The following ZC3H18 variants were observed in gnomAD, a reference collection of about 807,000 sequenced individuals.
The protein encoded by ZC3H18 is zinc finger CCCH domain-containing protein 18.
A neutral mutation model predicts 106.1 loss-of-function variants in ZC3H18; 8 were observed. The observed-to-expected ratio is 0.08, with a 90% confidence interval of 0.04 to 0.14. The LOEUF (loss-of-function observed/expected upper bound fraction) is 0.14, where lower values mean the gene tolerates loss of function less well. ZC3H18 is among the 10% of genes least tolerant of loss of function. ZC3H18 has a pLI of 1.00. For synonymous variants in ZC3H18, 635 were observed against 522.1 expected, an observed-to-expected ratio of 1.22 and a Z score of -2.95; for missense variants, 1,318 against 1,278.4, an observed-to-expected ratio of 1.03 and a Z score of -0.47.
At chr16:88,629,202 C>T (rs889861044) in intron 16 of ZC3H18, among the ~76,000 whole-genome samples, 17 of 151,680 alleles carry the variant, frequency 1.1e-4, no homozygotes, top group Admixed American at 6.6e-4. Context: ...AGGCCGGGCG[C>T]GGTAGCTCAT....
intron 7 of ZC3H18, among the ~76,000 whole-genome samples, chr16:88,609,579 G>A (rs1043624958): frequency 6.6e-6 from 1 of 151,932 alleles, no homozygotes; most frequent in Non-Finnish European, 1.5e-5. Flanking sequence ...TGGGATTAAA[G>A]ACATGAGCCA....
chr16:88,628,078 T>G lies in ZC3H18; in HGVS notation c.2428T>G (p.Phe810Val). The change falls in exon 15 of 18, where the codon TTT becomes GTT. Residue 810 changes from phenylalanine to valine, a missense_variant. Transcript: ENST00000301011. The stretch of plus-strand genomic sequence containing the variant: ...CCCCGGGCAGCCCCAGCAGGGCACA[T>G]TTGTGGCCCACAAGGAGATCAAGTT... ...APPGQPQQGTFVAHKEIKLTL... is the reference protein window; with the variant it reads ...APPGQPQQGTVVAHKEIKLTL... 1 of 1,614,028 alleles carries G rather than the reference T, an allele frequency of 6.2e-7. No individual in the cohort carries two copies. Among genetic ancestry groups the G allele is most frequent in the South Asian group, 1.1e-5 (1 of 91,080 alleles).
intron 1 of ZC3H18, among the ~76,000 whole-genome samples, chr16:88,574,840 T>C (rs1161320099): frequency 6.7e-6 from 1 of 149,474 alleles, no homozygotes. Flanking sequence ...TCTTTTTTTT[T>C]TTTTTTTGAG....
At chr16:88,599,984 C>G (rs1285067184) in intron 6 of ZC3H18, 36 bp downstream of exon 6, 2 of 1,608,990 alleles carry the variant, frequency 1.2e-6, no homozygotes, top group South Asian at 2.2e-5. Context: ...CCGTTTCCTT[C>G]CTGCATGCGG....
At chr16:88,625,776 G>T (rs577802671) in intron 13 of ZC3H18, 26 of 138,644 alleles carry the variant, frequency 1.9e-4, no homozygotes, top group African/African-American at 6.1e-4. Flanking sequence ...AAGGCAGGAG[G>T]ATTGCTTGAG....
chr16:88,600,064 C>G lies in ZC3H18; in HGVS notation c.1088+116C>G, dbSNP rs962707366. On this transcript the variant is annotated intron_variant, in intron 6 of 17. Coordinates refer to ENST00000301011, the MANE Select transcript of ZC3H18 (RefSeq NM_144604.4). ...CTCGGCTGAGACCCAGCCCCACTCACTGGAGTCTCAGTGACGTTCCTGAGA... is the reference window on the plus strand; with the variant it reads ...CTCGGCTGAGACCCAGCCCCACTCAGTGGAGTCTCAGTGACGTTCCTGAGA... 6 of 1,308,410 alleles carry G rather than the reference C, an allele frequency of 4.6e-6. No homozygotes were observed. In the African/African-American group the frequency reaches 5.9e-5, roughly 13 times the overall value. 81.1% of individuals were successfully genotyped at this position (1,308,410 alleles called of 1,614,324 possible).
At chr16:88,577,807 G>C (rs749316691) in intron 2 of ZC3H18, 81 bp downstream of exon 2, 1 of 1,602,480 alleles carries the variant, frequency 6.2e-7, no homozygotes, top group Non-Finnish European at 8.5e-7. Context: ...GAGGGACTCT[G>C]TGTGGGACTG....
At chr16:88,591,870 C>T (rs749101604) in intron 3 of ZC3H18, among the ~76,000 whole-genome samples, 3 of 152,196 alleles carry the variant, frequency 2.0e-5, no homozygotes, top group Non-Finnish European at 2.9e-5. Flanking sequence ...GAACCGCTGG[C>T]AGTGGAGTTG....
At chr16:88,571,999 A>C (rs2142506305) in intron 1 of ZC3H18, among the ~76,000 whole-genome samples, 1 of 152,320 alleles carries the variant, frequency 6.6e-6, no homozygotes, top group East Asian at 1.9e-4. Context: ...GTGGTAGTAA[A>C]AATGTAGTCA....
intron 6 of ZC3H18, among the ~76,000 whole-genome samples, chr16:88,600,521 C>G (rs1597339204): frequency 6.6e-6 from 1 of 152,210 alleles, no homozygotes; most frequent in Admixed American, 6.5e-5. Flanking sequence ...TGAAGTGATT[C>G]TCCTGCTTCA....
chr16:88,630,022 C>T (rs1442249695), intron 16 of ZC3H18: 1 of 156,328 alleles, frequency 6.4e-6, no homozygotes, highest in Non-Finnish European at 1.4e-5. Flanking sequence ...CTCTGGGGTC[C>T]TGCGGACCTT....
At chr16:88,578,305 C>A (rs1914889178) in intron 2 of ZC3H18, among the ~76,000 whole-genome samples, 1 of 152,158 alleles carries the variant, frequency 6.6e-6, no homozygotes. Flanking sequence ...AGCCAGCACA[C>A]TTTTTTGTAC....
At chr16:88,607,778 A>G (rs1394363812) in intron 6 of ZC3H18, among the ~76,000 whole-genome samples, 3 of 147,192 alleles carry the variant, frequency 2.0e-5, no homozygotes, top group East Asian at 4.0e-4. Flanking sequence ...CATGTCTCTC[A>G]GGCATCTCCC....
chr16:88,630,602 G>C (rs748123411), intron 17 of ZC3H18, 21 bp downstream of exon 17: 3 of 1,585,598 alleles, frequency 1.9e-6, no homozygotes, highest in Non-Finnish European at 2.6e-6. Context: ...CCCAGCATGT[G>C]CCCTGGGCAC....
chr16:88,572,011 A>T (rs922749787), intron 1 of ZC3H18, among the ~76,000 whole-genome samples: 1 of 152,238 alleles, frequency 6.6e-6, no homozygotes, highest in Non-Finnish European at 1.5e-5. Flanking sequence ...ATGTAGTCAT[A>T]TGGGAAAATC....
At chr16:88,624,861 C>A in intron 12 of ZC3H18, 116 bp downstream of exon 12, 1 of 1,406,636 alleles carries the variant, frequency 7.1e-7, no homozygotes, top group Non-Finnish European at 9.4e-7. Flanking sequence ...TGGGAAGCGC[C>A]CCCTAGCCGA....
intron 1 of ZC3H18, among the ~76,000 whole-genome samples, chr16:88,572,014 G>A (rs1418844305): frequency 6.6e-6 from 1 of 152,150 alleles, no homozygotes; most frequent in Non-Finnish European, 1.5e-5. Context: ...TAGTCATATG[G>A]GAAAATCAGT....
intron 11 of ZC3H18, 172 bp downstream of exon 11, chr16:88,624,234 C>T: frequency 2.3e-6 from 2 of 877,230 alleles, no homozygotes; most frequent in South Asian, 3.4e-5. Flanking sequence ...AGCTCCTGTT[C>T]TCACGGGCCA....
intron 6 of ZC3H18, among the ~76,000 whole-genome samples, chr16:88,602,481 G>A (rs1299033141): frequency 6.6e-6 from 1 of 152,214 alleles, no homozygotes; most frequent in East Asian, 1.9e-4. Context: ...AGCAGCATGT[G>A]AGAGGTCAGA....
Sources: allele counts gnomAD v4.1 joint callset (sites outside exome capture counted in the v4.1 genomes callset), GRCh38; gene constraint gnomAD v4.1.1; transcripts MANE v1.5; gene names NCBI Gene and HGNC (gene_info 2026-07-23, HGNC 2026-07-21).